Variants in ALOX12 observed in about 807,000 individuals in gnomAD.
ALOX12 encodes the protein polyunsaturated fatty acid lipoxygenase ALOX12.
In ALOX12, 62 loss-of-function variants were observed where a neutral mutation model predicts 85.5. The observed-to-expected ratio is 0.73, with a 90% CI of 0.59 to 0.90. The LOEUF (loss-of-function observed/expected upper bound fraction) is 0.90. ALOX12 is among the 40% of genes least tolerant of loss of function. The pLI is 0.00. For synonymous variants in ALOX12, 299 were observed against 332.7 expected (o/e 0.90, Z 1.10); for missense variants, 751 against 856.5 (o/e 0.88, Z 1.54).
chr17:6,996,182 T>C lies in ALOX12; in HGVS notation c.65T>C (p.Val22Ala). 8.0e-7 allele frequency: 1 copy of C among 1,253,806 alleles called. No individual in the cohort carries two copies. Among genetic ancestry groups the C allele is most frequent in the Non-Finnish European group, 1.0e-6 (1 of 992,250 alleles). The allele number at this position is 1,253,806 out of a possible 1,614,324, so 77.7% of individuals were successfully genotyped here. Residue 22 changes from valine to alanine, a missense_variant, in exon 1 of 14, where the codon GTG (valine) becomes GCG (alanine). Val to Ala is a moderately conservative substitution (Grantham distance 64). Coordinates refer to ENST00000251535, the MANE Select transcript of ALOX12 (RefSeq NM_000697.3). ...CTCTTCTCCGGGTCGTACAACCGCG[T>C]GCAGCTTTGGCTGGTCGGGACGCGC... ...AWLFSGSYNR[V>A]QLWLVGTRGE... is the part of the protein sequence containing the mutation.
At chr17:7,008,716 A>G (rs2043235833) in intron 11 of ALOX12, among the ~76,000 whole-genome samples, 1 of 151,722 alleles carries the variant, frequency 6.6e-6, no homozygotes, top group African/African-American at 2.4e-5. Context: ...ACTGCACTCC[A>G]GCCTGGGCAA....
intron 7 of ALOX12, chr17:7,001,184 C>CAAGT (rs1367088207): frequency 1.1e-5 from 2 of 178,726 alleles, no homozygotes; most frequent in Admixed American, 1.2e-4. Flanking sequence ...CTTCTGGGCT[C>CAAGT]AAGTAATCTG....
At position 7,009,847 on chromosome 17, in the gene ALOX12, G is replaced by C. The variant is rs1390966363; in HGVS notation, c.1641G>C (p.Gln547His). Reference sequence around the variant, plus strand: ...AGCATGCCGCCATCAACCAGGGCCAGGTATGGACAGCTGAAAGCCCAGGTC... The same window carrying C: ...AGCATGCCGCCATCAACCAGGGCCACGTATGGACAGCTGAAAGCCCAGGTC... ...TAQHAAINQG[Q>H]LDWYAWVPNA... Residue 547 changes from glutamine (Q) to histidine (H), a missense_variant and splice_region_variant, in exon 12 of 14, where the codon CAG becomes CAC. By Grantham distance (24) the Gln-to-His change is conservative. Coordinates refer to ENST00000251535, the MANE Select transcript of ALOX12 (RefSeq NM_000697.3). The C allele has an allele frequency of 6.2e-7, 1 of 1,614,178 alleles. No homozygotes were observed.
Position 7,001,824 on chromosome 17 carries a change from CTA to C in ALOX12, c.1161+15_1161+16del, listed in dbSNP as rs779749856. The C allele has an allele frequency of 1.2e-6, 2 of 1,609,292 alleles. No homozygotes were observed. Among genetic ancestry groups the C allele is most frequent in the Admixed American group, 3.3e-5 (2 of 59,972 alleles). ...CCCCATCTTCAAGGTACTTATTAAT[CTA>C]TTAAATCACATATCCCTCAGACCCC... On this transcript the variant is annotated intron_variant, in intron 8 of 13. Coordinates refer to ENST00000251535, the MANE Select transcript of ALOX12 (RefSeq NM_000697.3).
At position 7,010,462 on chromosome 17, in the gene ALOX12, T is replaced by G. The variant is rs372525870; in HGVS notation, c.*39T>G. ...TCTACCTGCAAGATTTCACATCAGC[T>G]TTAGGACTGACATTTCTATCTTGAA... is the stretch of plus-strand genomic sequence containing the variant. On this transcript the variant is annotated 3_prime_UTR_variant, in exon 14 of 14. Coordinates refer to ENST00000251535, the MANE Select transcript of ALOX12 (RefSeq NM_000697.3). 84 of 1,585,788 alleles carry G rather than the reference T, an allele frequency of 5.3e-5. No homozygotes were observed. The Middle Eastern group carries it at 1.2e-3, about 22-fold the overall frequency.
chr17:7,005,474 C>CTTTTTT lies in ALOX12; in HGVS notation c.1248+150_1248+155dup, dbSNP rs35201122. 438 of 223,262 alleles carry CTTTTTT rather than the reference C, an allele frequency of 2.0e-3. 1 individual carries two copies. The highest frequency in any genetic ancestry group is 3.9e-3 in the Middle Eastern group (2 of 516). The allele number at this position is 223,262 out of a possible 1,614,324, so 13.8% of individuals were successfully genotyped here. ...GAACCTGTCCCTTTTATACCCATGT[C>CTTTTTT]TTTTTTTTTTTTTTTTTTTTTTTTG... On this transcript the variant is annotated intron_variant, in intron 9 of 13. Coordinates refer to ENST00000251535, the MANE Select transcript of ALOX12 (RefSeq NM_000697.3).
chr17:7,000,589 A>G lies in ALOX12; in HGVS notation c.951+110A>G. On this transcript the variant is annotated intron_variant, in intron 7 of 13. Transcript: ENST00000251535. The surrounding 1 kb of genome is among the most constrained non-coding windows in gnomAD (Gnocchi z 4.6). ...TCCCAAACCCCATCCTCACTCAGTG[A>G]GACTTGTCTTCATGTCACTATTTGC... 7.7e-7 allele frequency: 1 copy of G among 1,300,534 alleles called. No individual in the cohort carries two copies. Among genetic ancestry groups the G allele is most frequent in the Non-Finnish European group, 1.1e-6 (1 of 932,376 alleles). The allele number at this position is 1,300,534 out of a possible 1,614,324, so 80.6% of individuals were successfully genotyped here.
chr17:7,003,546 C>T (rs939554943), intron 8 of ALOX12, among the ~76,000 whole-genome samples: 3 of 152,146 alleles, frequency 2.0e-5, no homozygotes, highest in African/African-American at 4.8e-5. Flanking sequence ...CTAACCTCAG[C>T]CTTCAGAGTA....
chr17:7,006,510 C>A lies in ALOX12; in HGVS notation c.1443C>A (p.Leu481=). 1 of 1,613,816 alleles carries A rather than the reference C, an allele frequency of 6.2e-7. No homozygotes were observed. The highest frequency in any genetic ancestry group is 8.5e-7 in the Non-Finnish European group (1 of 1,179,910). Reference sequence around the variant, plus strand: ...GGTATGTGGAGGGGATCGTCCACCTCTTCTACCAAAGGGATGACATAGTGA... The same window carrying A: ...GGTATGTGGAGGGGATCGTCCACCTATTCTACCAAAGGGATGACATAGTGA... ...IARYVEGIVH[L]FYQRDDIVKG... The change falls in exon 11 of 14, where the codon CTC becomes CTA. Residue 481 remains leucine (L), a synonymous_variant. Transcript: ENST00000251535.
chr17:6,996,057 T>C lies in ALOX12; in HGVS notation c.-61T>C. On this transcript the variant is annotated 5_prime_UTR_variant, in exon 1 of 14. Coordinates refer to ENST00000251535, the MANE Select transcript of ALOX12 (RefSeq NM_000697.3). ...AGTGGCCCCGAGGCGCCGGCAGCCC[T>C]GGGCGGTCCCGGGAATCGCACAGGA... The C allele has an allele frequency of 8.1e-7, 1 of 1,235,776 alleles. No individual in the cohort carries two copies. The highest frequency in any genetic ancestry group is 1.0e-6 in the Non-Finnish European group (1 of 985,648). 76.6% of individuals were successfully genotyped at this position (1,235,776 alleles called of 1,614,324 possible). A position where few individuals can be genotyped will look rare whatever the true frequency, so the allele number is the denominator to read the frequency against.
At position 7,005,763 on chromosome 17, in the gene ALOX12, A is replaced by C. The variant is rs141140949; in HGVS notation, c.1249-95A>C. 4 of 1,392,530 alleles carry C rather than the reference A, an allele frequency of 2.9e-6. No individual in the cohort carries two copies. In the African/African-American group the frequency reaches 5.6e-5, roughly 20 times the overall value. 86.3% of individuals were successfully genotyped at this position (1,392,530 alleles called of 1,614,324 possible). Reference sequence around the variant, plus strand: ...CAAAGTGCTGTATACCCATGTCTTAATATCTGAAAATCCCACATTTGCCCC... The same window carrying C: ...CAAAGTGCTGTATACCCATGTCTTACTATCTGAAAATCCCACATTTGCCCC... On this transcript the variant is annotated intron_variant, in intron 9 of 13. Coordinates refer to ENST00000251535, the MANE Select transcript of ALOX12 (RefSeq NM_000697.3).
At chr17:7,004,426 A>T (rs1366234796) in intron 8 of ALOX12, among the ~76,000 whole-genome samples, 2 of 145,654 alleles carry the variant, frequency 1.4e-5, no homozygotes, top group Non-Finnish European at 1.5e-5. Flanking sequence ...AATTGCTTCA[A>T]TATTAAATTA....
chr17:7,010,478 C>A lies in ALOX12; in HGVS notation c.*55C>A. On this transcript the variant is annotated 3_prime_UTR_variant, in exon 14 of 14. Transcript: ENST00000251535. Reference sequence around the variant, plus strand: ...CACATCAGCTTTAGGACTGACATTTCTATCTTGAATTTCATGCTTTCCTAA... The same window carrying A: ...CACATCAGCTTTAGGACTGACATTTATATCTTGAATTTCATGCTTTCCTAA... The A allele has an allele frequency of 6.4e-7, 1 of 1,564,198 alleles. No homozygotes were observed. Among genetic ancestry groups the A allele is most frequent in the Non-Finnish European group, 8.7e-7 (1 of 1,154,124 alleles).
Position 7,006,557 on chromosome 17 carries a change from C to T in ALOX12, c.1490C>T (p.Ala497Val), listed in dbSNP as rs140116643. 1.2e-6 allele frequency: 2 copies of T among 1,613,216 alleles called. No homozygotes were observed. The highest frequency in any genetic ancestry group is 1.3e-5 in the African/African-American group (1 of 74,864). Residue 497 changes from alanine to valine, a missense_variant, in exon 11 of 14, where the codon GCC becomes GTC. Coordinates refer to ENST00000251535, the MANE Select transcript of ALOX12 (RefSeq NM_000697.3). ...GTGAAGGGGGACCCTGAGCTGCAGGCCTGGTGTCGGGAGATCACGGAGGTG... is the reference window on the plus strand; with the variant it reads ...GTGAAGGGGGACCCTGAGCTGCAGGTCTGGTGTCGGGAGATCACGGAGGTG... The part of the protein sequence containing the change: ...DIVKGDPELQ[A>V]WCREITEVGL...
chr17:7,009,479 C>T (rs888990057), intron 11 of ALOX12: 2 of 409,646 alleles, frequency 4.9e-6, no homozygotes. Flanking sequence ...TATTACAGAC[C>T]AGGTGATTTT....
intron 8 of ALOX12, among the ~76,000 whole-genome samples, chr17:7,002,923 TA>T (rs1416819964): frequency 6.6e-6 from 1 of 152,164 alleles, no homozygotes; most frequent in Non-Finnish European, 1.5e-5. Flanking sequence ...ATGTCCTGGG[TA>T]AAAACAACCA....
rs11571343 is a variant in ALOX12, at chr17:7,006,651, G to C, written c.1540+44G>C. 756 of 1,523,494 alleles carry C rather than the reference G, an allele frequency of 5.0e-4. 2 individuals carry two copies. The African/African-American group carries it at 9.2e-3, about 19-fold the overall frequency. The allele number at this position is 1,523,494 out of a possible 1,614,324, so 94.4% of individuals were successfully genotyped here. ...ACAGAAGAAGCTCCTGGGAGACTCT[G>C]CCAGGGCGCCTTCCCAGCCCTGCCC... On this transcript the variant is annotated intron_variant, in intron 11 of 13. Transcript: ENST00000251535.
rs943032943 is a variant in ALOX12 at position 6,996,964 on chromosome 17, G to A, written c.274G>A (p.Val92Met). 1.9e-6 allele frequency: 3 copies of A among 1,588,482 alleles called. No individual in the cohort carries two copies. The highest frequency in any genetic ancestry group is 2.6e-6 in the Non-Finnish European group (3 of 1,167,334). Residue 92 changes from valine (V) to methionine (M), a missense_variant, in exon 2 of 14, where the codon GTG becomes ATG. Coordinates refer to ENST00000251535, the MANE Select transcript of ALOX12 (RefSeq NM_000697.3). ...GCAGGGCCCTGGAGCCTGCGCGGAG[G>A]TGGCCTTCCCGTGCTACCGCTGGGT... is the stretch of plus-strand genomic sequence containing the variant. ...TVQGPGACAE[V>M]AFPCYRWVQG...
chr17:7,008,718 C>T (rs1313762369), intron 11 of ALOX12, among the ~76,000 whole-genome samples: 3 of 151,540 alleles, frequency 2.0e-5, no homozygotes, highest in Non-Finnish European at 2.9e-5. Context: ...TGCACTCCAG[C>T]CTGGGCAACA....
Sources: allele counts gnomAD v4.1 joint callset (sites outside exome capture counted in the v4.1 genomes callset), GRCh38; gene constraint gnomAD v4.1.1; non-coding constraint Gnocchi (gnomAD v3.1); transcripts MANE v1.5; gene names NCBI Gene and HGNC (gene_info 2026-07-23, HGNC 2026-07-21).